Variants in OPRD1 observed in about 807,000 individuals in gnomAD.
The protein encoded by OPRD1 is delta-type opioid receptor.
In OPRD1, 19 loss-of-function variants were observed where a neutral mutation model predicts 17.5. The ratio of observed to expected loss-of-function variants is 1.09; its 90% CI spans 0.76 to 1.60. The LOEUF (loss-of-function observed/expected upper bound fraction) is 1.60, where lower values mean the gene tolerates loss of function less well. Among genes scored for constraint, OPRD1 ranks in the 40% most tolerant of loss-of-function variants. The probability of loss-of-function intolerance (pLI) is 0.00; values close to 1 mark genes in which losing one functional copy is unlikely to be tolerated. For synonymous variants in OPRD1, 256 were observed against 240.9 expected, an observed-to-expected ratio of 1.06 and a Z score of -0.58; for missense variants, 483 against 547.2, an observed-to-expected ratio of 0.88 and a Z score of 1.17.
At chr1:28,817,367 G>A (rs906814403) in intron 1 of OPRD1, among the ~76,000 whole-genome samples, 1 of 152,202 alleles carries the variant, frequency 6.6e-6, no homozygotes, top group African/African-American at 2.4e-5. Context: ...CAGCAGGGAG[G>A]GGAGTTGGGC....
chr1:28,836,581 C>T (rs1557572922), intron 1 of OPRD1, among the ~76,000 whole-genome samples: 1 of 151,934 alleles, frequency 6.6e-6, no homozygotes, highest in Non-Finnish European at 1.5e-5. Flanking sequence ...GTTGGCTGGG[C>T]TGTGCTCCCT....
At chr1:28,815,292 GA>G (rs1156692216) in intron 1 of OPRD1, among the ~76,000 whole-genome samples, 1 of 152,296 alleles carries the variant, frequency 6.6e-6, no homozygotes, top group East Asian at 1.9e-4. Flanking sequence ...TTTTTGCAGA[GA>G]CAGGGTTTTG....
chr1:28,816,916 A>T (rs1330156943), intron 1 of OPRD1, among the ~76,000 whole-genome samples: 1 of 152,050 alleles, frequency 6.6e-6, no homozygotes, highest in African/African-American at 2.4e-5. Context: ...CGCCTGGCCC[A>T]GATCCTGGGT....
rs1004171024 is a variant in OPRD1, at chr1:28,849,940, C to T, written c.228-9014C>T. 6.5e-5 allele frequency among the ~76,000 whole-genome samples: 9 copies of T among 139,080 alleles called. No individual in the cohort carries two copies. In the East Asian group the frequency reaches 8.5e-4, roughly 13 times the overall value. The allele number at this position is 139,080 out of a possible 152,430, so 91.2% of individuals were successfully genotyped here. ...TGTCGCCCAGGCTGGAGTGCAGTGG[C>T]GCGATCTCGGCTCACTGCAAGCTCC... On this transcript the variant is annotated intron_variant, in intron 1 of 2. Transcript: ENST00000234961.
intron 1 of OPRD1, 134 bp downstream of exon 1, chr1:28,812,744 C>A: frequency 1.3e-6 from 1 of 746,098 alleles, no homozygotes; most frequent in Non-Finnish European, 2.0e-6. Flanking sequence ...TGGGGCCCAG[C>A]GAGAGGCGAG....
intron 1 of OPRD1, among the ~76,000 whole-genome samples, chr1:28,819,969 C>G (rs1382939113): frequency 1.3e-5 from 2 of 152,154 alleles, no homozygotes; most frequent in African/African-American, 4.8e-5. Flanking sequence ...CATACACACC[C>G]TCTCTGAGCC....
intron 1 of OPRD1, among the ~76,000 whole-genome samples, chr1:28,852,742 A>G (rs976717267): frequency 6.7e-6 from 1 of 149,716 alleles, no homozygotes; most frequent in Non-Finnish European, 1.5e-5. Context: ...TTTGAGATGG[A>G]GTTTTGCTTT....
At chr1:28,854,274 T>G (rs2089034551) in intron 1 of OPRD1, among the ~76,000 whole-genome samples, 1 of 152,016 alleles carries the variant, frequency 6.6e-6, no homozygotes, top group Non-Finnish European at 1.5e-5. Flanking sequence ...TTCCCCAGAC[T>G]GGAGTGCAGT....
At chr1:28,852,342 A>C (rs1172550897) in intron 1 of OPRD1, among the ~76,000 whole-genome samples, 2 of 152,226 alleles carry the variant, frequency 1.3e-5, no homozygotes, top group African/African-American at 2.4e-5. Context: ...CAATATGTAC[A>C]CAGAACTAAG....
In OPRD1 at chr1:28,862,866, C is replaced by A. The variant is rs2089135836; in HGVS notation, c.702C>A (p.Gly234=). 1.2e-6 allele frequency: 2 copies of A among 1,612,720 alleles called. No individual in the cohort carries two copies. The highest frequency in any genetic ancestry group is 2.2e-5 in the East Asian group (1 of 44,888). Residue 234 remains glycine (G), a synonymous_variant, in exon 3 of 3, where the codon GGC becomes GGA. Transcript: ENST00000234961. ...VPILIITVCY[G]LMLLRLRSVR... ...TCCTCATCATCACCGTGTGCTATGG[C>A]CTCATGCTGCTGCGCCTGCGCAGTG...
chr1:28,812,257 G>T lies in OPRD1; in HGVS notation c.-127G>T, dbSNP rs946509930. ...CAGGCGGACGAGGCGCAGAGACAGC[G>T]GGGCGGCCGGGGCGCGGCAGCCGGC... On this transcript the variant is annotated 5_prime_UTR_variant, in exon 1 of 3. Coordinates refer to ENST00000234961, the MANE Select transcript of OPRD1 (RefSeq NM_000911.4). 29 of 466,722 alleles carry T rather than the reference G, an allele frequency of 6.2e-5. 1 individual carries two copies. The East Asian group carries it at 1.6e-3, about 26-fold the overall frequency. The allele number at this position is 466,722 out of a possible 1,614,324, so 28.9% of individuals were successfully genotyped here. A position where few individuals can be genotyped will look rare whatever the true frequency, so the allele number is the denominator to read the frequency against.
In OPRD1 at chr1:28,867,850, C is replaced by T. The variant is rs955517377; in HGVS notation, c.*4567C>T. 1.3e-5 allele frequency: 2 copies of T among 152,306 alleles called. No homozygotes were observed. Among genetic ancestry groups the T allele is most frequent in the African/African-American group, 4.8e-5 (2 of 41,430 alleles). The allele number at this position is 152,306 out of a possible 1,614,324, so 9.4% of individuals were successfully genotyped here. A position where few individuals can be genotyped will look rare whatever the true frequency, so the allele number is the denominator to read the frequency against. ...TGGCAGTCACTGCTTACAAGTGGAGCCAGGGTTCAGGGTCAGAGCTAGAGA... is the reference window on the plus strand; with the variant it reads ...TGGCAGTCACTGCTTACAAGTGGAGTCAGGGTTCAGGGTCAGAGCTAGAGA... On this transcript the variant is annotated 3_prime_UTR_variant, in exon 3 of 3. Coordinates refer to ENST00000234961, the MANE Select transcript of OPRD1 (RefSeq NM_000911.4).
At chr1:28,823,465 C>T (rs546120525) in intron 1 of OPRD1, among the ~76,000 whole-genome samples, 1 of 151,936 alleles carries the variant, frequency 6.6e-6, no homozygotes, top group South Asian at 2.1e-4. Context: ...GGCATGATCT[C>T]GGCTCACTGC....
rs11350728 is a variant in OPRD1 at position 28,848,244 on chromosome 1, T to TA, written c.228-10698dup. On this transcript the variant is annotated intron_variant, in intron 1 of 2. Transcript: ENST00000234961. ...AGCCTGGACAGAGCAAGACTCCGTC[T>TA]AAAAAAAAAAAATGACAGCAAGAGA... Among the ~76,000 whole-genome samples, 176 of 148,674 alleles carry TA rather than the reference T, an allele frequency of 1.2e-3. 1 individual carries two copies. Among genetic ancestry groups the TA allele is most frequent in the African/African-American group, 3.6e-3 (145 of 40,192 alleles).
At chr1:28,838,024 C>T (rs1255570699) in intron 1 of OPRD1, among the ~76,000 whole-genome samples, 3 of 151,646 alleles carry the variant, frequency 2.0e-5, no homozygotes, top group East Asian at 1.9e-4. Context: ...CTGAGGATGG[C>T]AGCAATTTCA....
intron 1 of OPRD1, among the ~76,000 whole-genome samples, chr1:28,825,992 C>A (rs1348014452): frequency 2.0e-5 from 3 of 152,200 alleles, no homozygotes; most frequent in African/African-American, 7.2e-5. Flanking sequence ...AAGACACAGT[C>A]CTTGCCCTCA....
intron 1 of OPRD1, among the ~76,000 whole-genome samples, chr1:28,825,869 GCTGT>G (rs776326767): frequency 5.9e-5 from 9 of 152,360 alleles, no homozygotes; most frequent in Admixed American, 4.6e-4. Flanking sequence ...AACTCAGCGT[GCTGT>G]CTGTTTTCTC....
chr1:28,863,101 C>G lies in OPRD1; in HGVS notation c.937C>G (p.Leu313Val). Residue 313 changes from leucine (L) to valine (V), a missense_variant, in exon 3 of 3, where the codon CTC (leucine) becomes GTC (valine). Transcript: ENST00000234961. The part of the protein sequence containing the change: ...CIALGYANSS[L>V]NPVLYAFLDE... ...CGCGCTGGGCTACGCCAATAGCAGC[C>G]TCAACCCCGTGCTCTACGCTTTCCT... is the stretch of plus-strand genomic sequence containing the variant. The G allele has an allele frequency of 6.2e-7, 1 of 1,610,336 alleles. No homozygotes were observed.
chr1:28,863,318 G>C lies in OPRD1; in HGVS notation c.*35G>C, dbSNP rs771202637. On this transcript the variant is annotated 3_prime_UTR_variant, in exon 3 of 3. Coordinates refer to ENST00000234961, the MANE Select transcript of OPRD1 (RefSeq NM_000911.4). ...CCGGCCCCCAGAGCGCCCCTCCCTAGTGACCCGGAGGCCACATGAGTCCCA... is the reference window on the plus strand; with the variant it reads ...CCGGCCCCCAGAGCGCCCCTCCCTACTGACCCGGAGGCCACATGAGTCCCA... 3.8e-5 allele frequency: 53 copies of C among 1,408,366 alleles called. No homozygotes were observed. The highest frequency in any genetic ancestry group is 3.8e-5 in the Non-Finnish European group (41 of 1,091,690). 87.2% of individuals were successfully genotyped at this position (1,408,366 alleles called of 1,614,324 possible).
Sources: allele counts gnomAD v4.1 joint callset (sites outside exome capture counted in the v4.1 genomes callset), GRCh38; gene constraint gnomAD v4.1.1; transcripts MANE v1.5; gene names NCBI Gene and HGNC (gene_info 2026-07-23, HGNC 2026-07-21).